The following SRGAP2 variants were observed in gnomAD, a reference collection of about 807,000 sequenced individuals.
SRGAP2 encodes SLIT-ROBO Rho GTPase activating protein 2.
In SRGAP2, 15 loss-of-function variants were observed where a neutral mutation model predicts 57.2. That is an observed-to-expected ratio of 0.26 (90% CI 0.18 to 0.40). The LOEUF is 0.40. SRGAP2 is among the 10% of genes least tolerant of loss of function. The pLI is 1.00. For synonymous variants in SRGAP2, 249 were observed against 248.0 expected (o/e 1.00, Z -0.04); for missense variants, 520 against 669.6 (o/e 0.78, Z 2.47).
intron 2 of SRGAP2, among the ~76,000 whole-genome samples, chr1:206,210,202 CTG>C (rs1553302146): frequency 6.8e-6 from 1 of 147,928 alleles, no homozygotes; most frequent in Non-Finnish European, 1.5e-5. Flanking sequence ...ATACACATGA[CTG>C]TATACAGTCC....
intron 4 of SRGAP2, among the ~76,000 whole-genome samples, chr1:206,376,021 C>T (rs547340845): frequency 6.7e-6 from 1 of 149,322 alleles, no homozygotes; most frequent in South Asian, 2.2e-4. Flanking sequence ...ATTCTGTGAC[C>T]TAGGTAGTGG....
At chr1:206,391,685 A>C (rs1415897355) in intron 5 of SRGAP2, among the ~76,000 whole-genome samples, 1 of 149,326 alleles carries the variant, frequency 6.7e-6, no homozygotes, top group Non-Finnish European at 1.5e-5. Flanking sequence ...CTCCATCTCA[A>C]AGAAATCTTA....
chr1:206,422,213 A>C (rs12098229), intron 13 of SRGAP2, among the ~76,000 whole-genome samples: 16,542 of 152,162 alleles, frequency 0.11, 2,068 homozygotes, highest in African/African-American at 0.3. Context: ...TGTCGGCAGC[A>C]CCGGCATTTC....
chr1:206,458,207 T>C (rs1663994445), intron 21 of SRGAP2, among the ~76,000 whole-genome samples: 1 of 152,160 alleles, frequency 6.6e-6, no homozygotes, highest in Non-Finnish European at 1.5e-5. Context: ...TTTAGAAAAG[T>C]TAACTATCCT....
At chr1:206,216,808 GT>G (rs1213821085) in intron 2 of SRGAP2, among the ~76,000 whole-genome samples, 3 of 90,278 alleles carry the variant, frequency 3.3e-5, no homozygotes, top group African/African-American at 1.4e-4. Flanking sequence ...TTGTTTGTTT[GT>G]TTGTTTGTTT....
intron 2 of SRGAP2, among the ~76,000 whole-genome samples, chr1:206,292,811 A>G (rs1293809246): frequency 2.0e-5 from 3 of 150,844 alleles, no homozygotes; most frequent in Non-Finnish European, 4.4e-5. Context: ...GTCTATTTCT[A>G]GACTTGACCT....
intron 14 of SRGAP2, 44 bp from the exon 15 acceptor site, chr1:206,436,921 A>G (rs782234785): frequency 1.3e-6 from 1 of 780,202 alleles, no homozygotes; most frequent in South Asian, 1.3e-5. Context: ...ATGCTTGTGA[A>G]TTTGCTTTTT....
intron 4 of SRGAP2, among the ~76,000 whole-genome samples, chr1:206,374,121 T>C (rs1336116339): frequency 1.4e-5 from 2 of 147,526 alleles, no homozygotes; most frequent in Non-Finnish European, 3.0e-5. Context: ...GCCTCCCGGG[T>C]TCACGCCATT....
intron 11 of SRGAP2, among the ~76,000 whole-genome samples, chr1:206,418,852 A>C (rs1659997776): frequency 6.9e-6 from 1 of 145,774 alleles, no homozygotes; most frequent in Non-Finnish European, 1.5e-5. Context: ...CTCTCCCGCA[A>C]ACAACTCCTC....
intron 13 of SRGAP2, among the ~76,000 whole-genome samples, chr1:206,424,921 T>A (rs961309512): frequency 6.6e-6 from 1 of 152,186 alleles, no homozygotes; most frequent in Non-Finnish European, 1.5e-5. Flanking sequence ...GTAGGACAGG[T>A]CATCTTTAGC....
intron 2 of SRGAP2, among the ~76,000 whole-genome samples, chr1:206,243,690 G>A (rs1668380344): frequency 6.6e-6 from 1 of 152,148 alleles, no homozygotes; most frequent in South Asian, 2.1e-4. Flanking sequence ...CTTGAGCAGT[G>A]GGCTTCTCAG....
At chr1:206,453,171 T>C (rs542835098) in intron 19 of SRGAP2, 29 bp from the exon 20 acceptor site, 15 of 474,384 alleles carry the variant, frequency 3.2e-5, no homozygotes, top group Middle Eastern at 3.0e-4. Context: ...CCCAAGAACA[T>C]GTGTTTACTT....
intron 10 of SRGAP2, among the ~76,000 whole-genome samples, chr1:206,414,201 A>G (rs1659477366): frequency 3.3e-5 from 5 of 151,500 alleles, no homozygotes; most frequent in Admixed American, 1.3e-4. Flanking sequence ...TGCCCGGCTA[A>G]TTTTTGTATT....
intron 2 of SRGAP2, among the ~76,000 whole-genome samples, chr1:206,286,356 A>G (rs1671023978): frequency 6.6e-6 from 1 of 152,090 alleles, no homozygotes; most frequent in African/African-American, 2.4e-5. Flanking sequence ...ACTCTTGCTT[A>G]TTTTTTTTAA....
chr1:206,222,824 C>G (rs1240580266), intron 2 of SRGAP2, among the ~76,000 whole-genome samples: 1 of 151,736 alleles, frequency 6.6e-6, no homozygotes, highest in African/African-American at 2.4e-5. Context: ...TATCAAGAAA[C>G]TGGCATAATA....
chr1:206,220,633 T>C (rs1553304469), intron 2 of SRGAP2, among the ~76,000 whole-genome samples: 1 of 152,200 alleles, frequency 6.6e-6, no homozygotes, highest in Non-Finnish European at 1.5e-5. Context: ...ACCCAATCTA[T>C]AAATGGTCAG....
intron 19 of SRGAP2, among the ~76,000 whole-genome samples, chr1:206,450,902 A>G (rs2103383737): frequency 6.6e-6 from 1 of 151,946 alleles, no homozygotes; most frequent in Non-Finnish European, 1.5e-5. Context: ...ACTTGAGTTC[A>G]AGAATTCAAG....
In SRGAP2 at chr1:206,437,081, C is replaced by T. The variant is rs1553370321; in HGVS notation, c.1633+39C>T. The T allele has an allele frequency of 5.1e-6, 4 of 779,872 alleles. No individual in the cohort carries two copies. The South Asian group carries it at 5.4e-5, about 10-fold the overall frequency. 48.3% of individuals were successfully genotyped at this position (779,872 alleles called of 1,614,324 possible). On this transcript the variant is annotated intron_variant, in intron 15 of 22. Transcript: ENST00000573034. ...CTTGAAGATAAAACCAAATATTTGC[C>T]AGCCCCCTGGGGTATTGGCTCCACC... is the stretch of plus-strand genomic sequence containing the variant.
intron 18 of SRGAP2, among the ~76,000 whole-genome samples, chr1:206,448,504 C>G (rs1662961603): frequency 1.3e-5 from 2 of 152,202 alleles, no homozygotes; most frequent in South Asian, 4.1e-4. Context: ...TCTTGCCTTT[C>G]TCATAAAGCA....
Sources: gnomAD v4.1 joint callset for allele counts (sites outside exome capture counted in the v4.1 genomes callset) on GRCh38, gnomAD v4.1.1 for gene constraint, MANE v1.5 for transcripts, NCBI Gene and HGNC (gene_info 2026-07-23, HGNC 2026-07-21) for gene names.